IFFO2: variants seen among roughly 807,000 people sequenced by gnomAD.
IFFO2 encodes the protein intermediate filament family orphan 2.
Under a neutral mutation model 53.5 loss-of-function variants are expected in IFFO2, and 19 were observed. The ratio of observed to expected loss-of-function variants is 0.36; its 90% CI spans 0.25 to 0.52. The LOEUF is 0.52. Among genes scored for constraint, IFFO2 ranks in the 20% least tolerant of loss-of-function variants. The probability of loss-of-function intolerance (pLI) is 0.94; values close to 1 mark genes in which losing one functional copy is unlikely to be tolerated. For missense variants in IFFO2, 570 were observed against 727.4 expected (o/e 0.78, Z 2.49); for synonymous variants, 303 against 313.6 (o/e 0.97, Z 0.36).
intron 1 of IFFO2, among the ~76,000 whole-genome samples, chr1:18,950,648 A>C (rs1188733739): frequency 6.6e-6 from 1 of 152,196 alleles, no homozygotes; most frequent in Non-Finnish European, 1.5e-5. Flanking sequence ...AGAAATAACG[A>C]AAGTGTCAAT....
intron 5 of IFFO2, among the ~76,000 whole-genome samples, chr1:18,913,991 C>A (rs1936091775): frequency 6.6e-6 from 1 of 151,876 alleles, no homozygotes; most frequent in South Asian, 2.1e-4. Flanking sequence ...GCCACCACGC[C>A]CGGCTAATTT....
At chr1:18,934,045 T>C (rs1399203093) in intron 1 of IFFO2, among the ~76,000 whole-genome samples, 1 of 143,362 alleles carries the variant, frequency 7.0e-6, no homozygotes, top group East Asian at 2.0e-4. Context: ...GAATAGCTTA[T>C]TTCTCTTATT....
intron 8 of IFFO2, among the ~76,000 whole-genome samples, chr1:18,909,061 G>A (rs944612003): frequency 1.3e-5 from 2 of 151,788 alleles, no homozygotes; most frequent in Non-Finnish European, 2.9e-5. Flanking sequence ...ATTCTATCTC[G>A]GATGAGCTGG....
At position 18,917,627 on chromosome 1, in the gene IFFO2, C is replaced by T. The variant is rs975485708; in HGVS notation, c.964-585G>A. The stretch of plus-strand genomic sequence containing the variant: ...GGGAGGCCCAGATCTGGCCCAGCGA[C>T]GTCAAAGTCACACACACAGAGCGAC... On this transcript the variant is annotated intron_variant, in intron 4 of 8. Coordinates refer to ENST00000455833, the MANE Select transcript of IFFO2 (RefSeq NM_001136265.2). This position sits in a 1 kb window ranked among gnomAD's most constrained non-coding sequence, Gnocchi z 5.9. 2.0e-5 allele frequency among the ~76,000 whole-genome samples: 3 copies of T among 152,170 alleles called. No homozygotes were observed. Among genetic ancestry groups the T allele is most frequent in the East Asian group, 1.9e-4 (1 of 5,184 alleles).
intron 1 of IFFO2, among the ~76,000 whole-genome samples, chr1:18,923,013 G>A (rs574582202): frequency 6.6e-6 from 1 of 152,252 alleles, no homozygotes; most frequent in East Asian, 1.9e-4. Flanking sequence ...CACAGGTCCC[G>A]AGCTGAATCA....
At chr1:18,946,649 C>T (rs1217388410) in intron 1 of IFFO2, among the ~76,000 whole-genome samples, 1 of 151,746 alleles carries the variant, frequency 6.6e-6, no homozygotes. Flanking sequence ...GAACTCCTGA[C>T]CTCATGATCT....
intron 1 of IFFO2, among the ~76,000 whole-genome samples, chr1:18,943,646 A>G (rs1936548315): frequency 6.6e-6 from 1 of 152,200 alleles, no homozygotes; most frequent in African/African-American, 2.4e-5. Context: ...CCCATCCCAT[A>G]CAAAAGGAAA....
At chr1:18,926,736 G>A (rs538853397) in intron 1 of IFFO2, among the ~76,000 whole-genome samples, 10 of 134,110 alleles carry the variant, frequency 7.5e-5, no homozygotes, top group Non-Finnish European at 1.4e-4. Flanking sequence ...CCCCTCTCCC[G>A]TCAGCTCAAG....
chr1:18,923,432 G>A (rs1197271198), intron 1 of IFFO2, among the ~76,000 whole-genome samples: 1 of 152,210 alleles, frequency 6.6e-6, no homozygotes, highest in Non-Finnish European at 1.5e-5. Context: ...GTGACAGCAG[G>A]AGCCCAGATC....
intron 1 of IFFO2, 34 bp downstream of exon 1, chr1:18,955,634 G>C: frequency 6.5e-7 from 1 of 1,533,818 alleles, no homozygotes; most frequent in South Asian, 1.2e-5. Flanking sequence ...TGGGCGCCCC[G>C]TCCCAGGGCG....
rs901518513 is a variant in IFFO2 at position 18,917,281 on chromosome 1, G to A, written c.964-239C>T. Among the ~76,000 whole-genome samples, 1 of 152,202 alleles carries A rather than the reference G, an allele frequency of 6.6e-6. No individual in the cohort carries two copies. The highest frequency in any genetic ancestry group is 2.4e-5 in the African/African-American group (1 of 41,440). The stretch of plus-strand genomic sequence containing the variant: ...TTCCCTGCCCTGGGCGGCCTGGTGG[G>A]TGCGCCGGCTCGGCTCGCCCTTTTA... On this transcript the variant is annotated intron_variant, in intron 4 of 8. Transcript: ENST00000455833. The surrounding 1 kb of genome is among the most constrained non-coding windows in gnomAD (Gnocchi z 5.9).
chr1:18,952,646 G>A (rs1049269391), intron 1 of IFFO2, among the ~76,000 whole-genome samples: 6 of 152,188 alleles, frequency 3.9e-5, no homozygotes, highest in South Asian at 2.1e-4. Context: ...TGAAATGTCC[G>A]GAAAAGGCTA....
At position 18,918,215 on chromosome 1, in the gene IFFO2, GC is replaced by G; in HGVS notation, c.963+146del. 5.6e-6 allele frequency: 4 copies of G among 709,196 alleles called. No homozygotes were observed. The highest frequency in any genetic ancestry group is 7.0e-6 in the Non-Finnish European group (3 of 427,872). The allele number at this position is 709,196 out of a possible 1,614,324, so 43.9% of individuals were successfully genotyped here. A position where few individuals can be genotyped will look rare whatever the true frequency, so the allele number is the denominator to read the frequency against. ...CCTGATTCTACGTTTTCCTGGGGAGGCCACAGGGTCAGGTAGTGCTACCTCT... is the reference window on the plus strand; with the variant it reads ...CCTGATTCTACGTTTTCCTGGGGAGGCACAGGGTCAGGTAGTGCTACCTCT... On this transcript the variant is annotated intron_variant, in intron 4 of 8. Transcript: ENST00000455833. This position sits in a 1 kb window ranked among gnomAD's most constrained non-coding sequence, Gnocchi z 5.2.
At chr1:18,949,860 G>A (rs995557651) in intron 1 of IFFO2, among the ~76,000 whole-genome samples, 3 of 152,210 alleles carry the variant, frequency 2.0e-5, no homozygotes. Flanking sequence ...ACCCGCATCC[G>A]GTCTCGTTTG....
At chr1:18,953,212 A>T (rs1936680678) in intron 1 of IFFO2, among the ~76,000 whole-genome samples, 1 of 152,216 alleles carries the variant, frequency 6.6e-6, no homozygotes, top group African/African-American at 2.4e-5. Context: ...TCTTATGGCC[A>T]GGGGATCAGA....
chr1:18,950,078 A>G (rs1936640347), intron 1 of IFFO2, among the ~76,000 whole-genome samples: 1 of 152,124 alleles, frequency 6.6e-6, no homozygotes, highest in South Asian at 2.1e-4. Flanking sequence ...CGCTAGATGG[A>G]GGGGTTTGTG....
intron 1 of IFFO2, among the ~76,000 whole-genome samples, chr1:18,935,845 A>C (rs1569856508): frequency 6.8e-6 from 1 of 146,676 alleles, no homozygotes. Flanking sequence ...GCATGCCACC[A>C]CACCTGGCTA....
chr1:18,926,881 G>A (rs1434594082), intron 1 of IFFO2, among the ~76,000 whole-genome samples: 3 of 152,176 alleles, frequency 2.0e-5, no homozygotes, highest in Non-Finnish European at 4.4e-5. Flanking sequence ...AGAGGCTCGA[G>A]GCTCCCGCTC....
chr1:18,920,307 A>G (rs1936199151), intron 2 of IFFO2, among the ~76,000 whole-genome samples: 1 of 152,220 alleles, frequency 6.6e-6, no homozygotes, highest in Non-Finnish European at 1.5e-5. Context: ...AAGCCCTTTC[A>G]TTATAAAAGA....
Sources: allele counts gnomAD v4.1 joint callset (sites outside exome capture counted in the v4.1 genomes callset), GRCh38; gene constraint gnomAD v4.1.1; non-coding constraint Gnocchi (gnomAD v3.1); transcripts MANE v1.5; gene names NCBI Gene and HGNC (gene_info 2026-07-23, HGNC 2026-07-21).